The following POLA1 variants were observed in gnomAD, a reference collection of about 807,000 sequenced individuals.
POLA1 encodes DNA polymerase alpha 1, catalytic subunit.
In POLA1, 15 loss-of-function variants were observed where a neutral mutation model predicts 124.0. That is an observed-to-expected ratio of 0.12 (90% CI 0.08 to 0.19). The LOEUF (loss-of-function observed/expected upper bound fraction) is 0.19. Among genes scored for constraint, POLA1 ranks in the 10% least tolerant of loss-of-function variants. The pLI is 1.00. For synonymous variants in POLA1, 408 were observed against 389.4 expected (o/e 1.05, Z -0.56); for missense variants, 886 against 1,103.4 (o/e 0.80, Z 2.79).
At chrX:24,947,742 T>C (rs991020963) in intron 36 of POLA1, among the ~76,000 whole-genome samples, 3 of 112,422 alleles carry the variant, frequency 2.7e-5, no homozygotes, top group African/African-American at 6.5e-5. Flanking sequence ...TTTTCTCTTA[T>C]CACCCATGTG....
intron 35 of POLA1, among the ~76,000 whole-genome samples, chrX:24,901,268 CAGTAAT>C (rs1455120017): frequency 9.0e-6 from 1 of 111,242 alleles, no homozygotes; most frequent in Non-Finnish European, 1.9e-5. Flanking sequence ...CTCCTTGAAA[CAGTAAT>C]AGTAAGCAAA....
intron 35 of POLA1, among the ~76,000 whole-genome samples, chrX:24,895,853 T>C (rs1052072819): frequency 1.8e-5 from 2 of 112,820 alleles, no homozygotes; most frequent in Admixed American, 9.3e-5. Context: ...AGATGGACAT[T>C]GCTCCATTTT....
intron 26 of POLA1, among the ~76,000 whole-genome samples, chrX:24,784,529 A>G (rs1361056468): frequency 9.1e-6 from 1 of 110,105 alleles, no homozygotes; most frequent in Non-Finnish European, 1.9e-5. Flanking sequence ...ACTAAAATAC[A>G]AAAAATGAGC....
intron 6 of POLA1, 64 bp from the exon 7 acceptor site, chrX:24,716,298 G>A: frequency 1.7e-6 from 1 of 589,983 alleles, no homozygotes; most frequent in Non-Finnish European, 3.0e-6. Flanking sequence ...GAGTGAAGAA[G>A]TATACTTTTT....
chrX:24,783,529 C>G (rs777870074), intron 26 of POLA1, among the ~76,000 whole-genome samples: 4 of 111,940 alleles, frequency 3.6e-5, no homozygotes, highest in Non-Finnish European at 7.5e-5. Flanking sequence ...AATCTATTTT[C>G]CCCATTCAGA....
chrX:24,744,997 T>TGGG (rs1173792221), intron 23 of POLA1, among the ~76,000 whole-genome samples: 30 of 66,504 alleles, frequency 4.5e-4, no homozygotes, highest in African/African-American at 1.8e-3. Flanking sequence ...TGGTTTTATT[T>TGGG]GGGGTGGGGG....
intron 31 of POLA1, among the ~76,000 whole-genome samples, chrX:24,826,100 AGTGTTTG>A (rs1347341318): frequency 8.9e-6 from 1 of 112,325 alleles, no homozygotes; most frequent in African/African-American, 3.2e-5. Flanking sequence ...AAGCCTTCTC[AGTGTTTG>A]GTGATATGGC....
chrX:24,995,056 CAA>C (rs774960816), intron 36 of POLA1, among the ~76,000 whole-genome samples: 4 of 76,646 alleles, frequency 5.2e-5, no homozygotes, highest in Non-Finnish European at 2.6e-5. Context: ...ACCTCTGTCT[CAA>C]AAAAAAAAAA....
chrX:24,869,804 C>G (rs1166697902), intron 34 of POLA1, among the ~76,000 whole-genome samples: 1 of 110,665 alleles, frequency 9.0e-6, no homozygotes, highest in East Asian at 2.9e-4. Flanking sequence ...TATATTAGCA[C>G]GTTTGGACCT....
chrX:24,971,784 A>T (rs1025225810), intron 36 of POLA1, among the ~76,000 whole-genome samples: 4 of 109,661 alleles, frequency 3.6e-5, no homozygotes, highest in Admixed American at 9.7e-5. Context: ...TTCCATAAAC[A>T]TATAATAGTG....
chrX:24,736,111 G>T (rs765056398), intron 18 of POLA1, among the ~76,000 whole-genome samples: 5 of 111,327 alleles, frequency 4.5e-5, no homozygotes, highest in Non-Finnish European at 7.5e-5. Context: ...TAGGTTAATG[G>T]ATCAATCATA....
At chrX:24,957,769 A>G (rs1301383272) in intron 36 of POLA1, among the ~76,000 whole-genome samples, 3 of 111,383 alleles carry the variant, frequency 2.7e-5, no homozygotes, top group African/African-American at 9.8e-5. Flanking sequence ...CTAGGAAGCC[A>G]TTGAAGATTT....
intron 36 of POLA1, among the ~76,000 whole-genome samples, chrX:24,985,550 T>G (rs1348127185): frequency 8.9e-6 from 1 of 112,530 alleles, no homozygotes; most frequent in Non-Finnish European, 1.9e-5. Context: ...AGTTCAGTCT[T>G]CTCAATTTTT....
intron 35 of POLA1, among the ~76,000 whole-genome samples, chrX:24,919,415 C>T (rs762504238): frequency 2.5e-4 from 28 of 111,208 alleles, no homozygotes; most frequent in Non-Finnish European, 4.0e-4. Flanking sequence ...ATTCAGTCTT[C>T]GTAACAGTGC....
chrX:24,988,190 G>A (rs1175172338), intron 36 of POLA1, among the ~76,000 whole-genome samples: 1 of 112,300 alleles, frequency 8.9e-6, no homozygotes, highest in African/African-American at 3.2e-5. Context: ...ACACCCTGAG[G>A]GCTTTTTTCT....
At chrX:24,763,850 A>G (rs1482782239) in intron 26 of POLA1, among the ~76,000 whole-genome samples, 4 of 111,941 alleles carry the variant, frequency 3.6e-5, no homozygotes, top group African/African-American at 9.8e-5. Flanking sequence ...GATTTGCTAT[A>G]GGAAGATAAT....
At chrX:24,736,438 AAC>A (rs1264550226) in intron 18 of POLA1, among the ~76,000 whole-genome samples, 1 of 111,618 alleles carries the variant, frequency 9.0e-6, no homozygotes, top group Admixed American at 9.5e-5. Context: ...CTCCAATAAC[AAC>A]AGTTTCTTGG....
intron 26 of POLA1, among the ~76,000 whole-genome samples, chrX:24,771,025 GTTCTT>G (rs1216839282): frequency 9.0e-6 from 1 of 111,439 alleles, no homozygotes; most frequent in Non-Finnish European, 1.9e-5. Flanking sequence ...ATATTGAAGA[GTTCTT>G]TTATAAATTC....
At chrX:24,894,437 A>G (rs2047179684) in intron 35 of POLA1, among the ~76,000 whole-genome samples, 1 of 112,560 alleles carries the variant, frequency 8.9e-6, no homozygotes, top group Non-Finnish European at 1.9e-5. Flanking sequence ...AGTAGGTAGT[A>G]TATTAACAAA....
Sources: allele counts gnomAD v4.1 joint callset (sites outside exome capture counted in the v4.1 genomes callset), GRCh38; gene constraint gnomAD v4.1.1; transcripts MANE v1.5; gene names NCBI Gene and HGNC (gene_info 2026-07-23, HGNC 2026-07-21).